CRMP1: variants seen among roughly 807,000 people sequenced by gnomAD.
CRMP1 encodes collapsin response mediator protein 1.
Under a neutral mutation model 68.3 loss-of-function variants are expected in CRMP1, and 19 were observed. The observed-to-expected ratio is 0.28, with a 90% CI of 0.19 to 0.41. The LOEUF (loss-of-function observed/expected upper bound fraction) is 0.41, where lower values mean the gene tolerates loss of function less well. Ranked by LOEUF, CRMP1 falls within the 10% of genes least tolerant of loss-of-function variation. The probability of loss-of-function intolerance (pLI) is 1.00; values close to 1 mark genes in which losing one functional copy is unlikely to be tolerated. For synonymous variants in CRMP1, 439 were observed against 399.6 expected (o/e 1.10, Z -1.18); for missense variants, 791 against 967.4 (o/e 0.82, Z 2.42).
At position 5,889,386 on chromosome 4, in the gene CRMP1, G is replaced by A. The variant is rs1383320935; in HGVS notation, c.381+3203C>T. The stretch of plus-strand genomic sequence containing the variant: ...TCTCCACAGCCCTGGGGACAAGCTG[G>A]GGGTCAGGAGGAGGACTAGGGTGCT... On this transcript the variant is annotated intron_variant, in intron 1 of 13. Transcript: ENST00000324989. The surrounding 1 kb of genome is among the most constrained non-coding windows in gnomAD (Gnocchi z 4.5). Among the ~76,000 whole-genome samples the A allele has an allele frequency of 1.3e-5, 2 of 152,150 alleles. No individual in the cohort carries two copies. Among genetic ancestry groups the A allele is most frequent in the African/African-American group, 4.8e-5 (2 of 41,442 alleles).
In CRMP1 at chr4:5,856,987, T is replaced by TATCACCACCATCCACTATC. The variant is rs1560505852; in HGVS notation, c.656-699_656-681dup. On this transcript the variant is annotated intron_variant, in intron 3 of 13. Coordinates refer to ENST00000324989, the MANE Select transcript of CRMP1 (RefSeq NM_001014809.3). ...CACTATCATCACCACCATCCACTGT[T>TATCACCACCATCCACTATC]ATCACCACCATCCACTATCATCACC... is the stretch of plus-strand genomic sequence containing the variant. Among the ~76,000 whole-genome samples, 5 of 125,564 alleles carry TATCACCACCATCCACTATC rather than the reference T, an allele frequency of 4.0e-5. 1 individual carries two copies. The highest frequency in any genetic ancestry group is 1.6e-4 in the African/African-American group (5 of 30,778). The allele number at this position is 125,564 out of a possible 152,430, so 82.4% of individuals were successfully genotyped here. A position where few individuals can be genotyped will look rare whatever the true frequency, so the allele number is the denominator to read the frequency against.
Position 5,867,213 on chromosome 4 carries a change from C to T in CRMP1, c.382-457G>A, listed in dbSNP as rs114660771. 1.6e-3 allele frequency among the ~76,000 whole-genome samples: 251 copies of T among 152,308 alleles called. 1 individual carries two copies. Among genetic ancestry groups the T allele is most frequent in the African/African-American group, 5.6e-3 (233 of 41,552 alleles). Reference sequence around the variant, plus strand: ...GCTTATCAGTCAATAATCAGGCCCTCTTCAATGTGCCTTGATGGTCTCATA... The same window carrying T: ...GCTTATCAGTCAATAATCAGGCCCTTTTCAATGTGCCTTGATGGTCTCATA... On this transcript the variant is annotated intron_variant, in intron 1 of 13. Coordinates refer to ENST00000324989, the MANE Select transcript of CRMP1 (RefSeq NM_001014809.3).
chr4:5,831,206 C>G (rs73206296), intron 11 of CRMP1, among the ~76,000 whole-genome samples: 6,304 of 152,216 alleles, frequency 0.041, 136 homozygotes, highest in Non-Finnish European at 0.052. Flanking sequence ...CTGAGCCTCC[C>G]AAAGTGCTGG....
intron 5 of CRMP1, 27 bp from the exon 6 acceptor site, chr4:5,849,499 G>T: frequency 6.7e-7 from 1 of 1,487,928 alleles, no homozygotes; most frequent in Non-Finnish European, 9.3e-7. Context: ...AGGGGTTGGT[G>T]TGAGATTTAA....
intron 9 of CRMP1, among the ~76,000 whole-genome samples, chr4:5,837,943 C>T (rs1720840283): frequency 6.6e-6 from 1 of 152,132 alleles, no homozygotes; most frequent in Non-Finnish European, 1.5e-5. Context: ...GTCAGCTATA[C>T]TGAGGGATGG....
rs1282613084 is a variant in CRMP1, at chr4:5,853,157, A to T, written c.821-1688T>A. On this transcript the variant is annotated intron_variant, in intron 4 of 13. Transcript: ENST00000324989. This position sits in a 1 kb window ranked among gnomAD's most constrained non-coding sequence, Gnocchi z 4.7. ...GGTGGGAGCAGTGGCTCACGCCTGT[A>T]ATCCCAGCAATTTGGGAGGCCAAGG... is the stretch of plus-strand genomic sequence containing the variant. 6.6e-6 allele frequency among the ~76,000 whole-genome samples: 1 copy of T among 152,222 alleles called. No homozygotes were observed. Among genetic ancestry groups the T allele is most frequent in the Non-Finnish European group, 1.5e-5 (1 of 68,024 alleles).
At position 5,857,044 on chromosome 4, in the gene CRMP1, T is replaced by TCACCACCATCTGCTATC. The variant is rs1713166594; in HGVS notation, c.656-738_656-737insGATAGCAGATGGTGGTG. Among the ~76,000 whole-genome samples the TCACCACCATCTGCTATC allele has an allele frequency of 9.1e-5, 6 of 66,156 alleles. No homozygotes were observed. The Admixed American group carries it at 1.1e-3, about 12-fold the overall frequency. The allele number at this position is 66,156 out of a possible 152,430, so 43.4% of individuals were successfully genotyped here. A position where few individuals can be genotyped will look rare whatever the true frequency, so the allele number is the denominator to read the frequency against. On this transcript the variant is annotated intron_variant, in intron 3 of 13. Coordinates refer to ENST00000324989, the MANE Select transcript of CRMP1 (RefSeq NM_001014809.3). ...TGCTATCATCACCACCATCCACTAT[T>TCACCACCATCTGCTATC]ATCACCACTATCATTATCACCCCAC...
rs1447028207 is a variant in CRMP1 at position 5,865,581 on chromosome 4, A to T, written c.470+1087T>A. On this transcript the variant is annotated intron_variant, in intron 2 of 13. Transcript: ENST00000324989. This position sits in a 1 kb window ranked among gnomAD's most constrained non-coding sequence, Gnocchi z 4.1. ...GGTTGCAGTGAGCCGAGATTGTGCC[A>T]CTGCACTCCAGCCTGGTGACAGAGT... is the stretch of plus-strand genomic sequence containing the variant. 2.0e-5 allele frequency among the ~76,000 whole-genome samples: 3 copies of T among 148,858 alleles called. No homozygotes were observed. In the South Asian group the frequency reaches 6.4e-4, roughly 32 times the overall value.
At position 5,858,092 on chromosome 4, in the gene CRMP1, T is replaced by C. The variant is rs1160174653; in HGVS notation, c.656-1785A>G. Among the ~76,000 whole-genome samples the C allele has an allele frequency of 6.6e-6, 1 of 152,166 alleles. No individual in the cohort carries two copies. Among genetic ancestry groups the C allele is most frequent in the African/African-American group, 2.4e-5 (1 of 41,444 alleles). On this transcript the variant is annotated intron_variant, in intron 3 of 13. Coordinates refer to ENST00000324989, the MANE Select transcript of CRMP1 (RefSeq NM_001014809.3). The surrounding 1 kb of genome is among the most constrained non-coding windows in gnomAD (Gnocchi z 5.5). ...ATGCAGTCCTCAGTCTCTTGGCCTC[T>C]CAGGGCACAGAGAGTCCCTCCCTCC...
In CRMP1 at chr4:5,828,739, T is replaced by G. The variant is rs1426053027; in HGVS notation, c.1624-71A>C. On this transcript the variant is annotated intron_variant, in intron 11 of 13. Coordinates refer to ENST00000324989, the MANE Select transcript of CRMP1 (RefSeq NM_001014809.3). ...CAAACGAGCTGTTCATAACAGCGATTTTGCCTAACATTATATCATAAGCGT... is the reference window on the plus strand; with the variant it reads ...CAAACGAGCTGTTCATAACAGCGATGTTGCCTAACATTATATCATAAGCGT... The G allele has an allele frequency of 2.6e-6, 4 of 1,539,546 alleles. No individual in the cohort carries two copies. In the East Asian group the frequency reaches 6.8e-5, roughly 26 times the overall value.
intron 11 of CRMP1, among the ~76,000 whole-genome samples, chr4:5,831,871 C>A (rs1021427908): frequency 6.6e-6 from 1 of 152,272 alleles, no homozygotes; most frequent in African/African-American, 2.4e-5. Flanking sequence ...ATCCATGAGC[C>A]CCATTTCCCT....
In CRMP1 at chr4:5,889,548, G is replaced by A; in HGVS notation, c.381+3041C>T. ...AGGGGAAAAGATGAAAGAAGATGGA[G>A]GAAAAGGGGGAGCCCCAGCAAGCCC... On this transcript the variant is annotated intron_variant, in intron 1 of 13. Coordinates refer to ENST00000324989, the MANE Select transcript of CRMP1 (RefSeq NM_001014809.3). This position sits in a 1 kb window ranked among gnomAD's most constrained non-coding sequence, Gnocchi z 4.5. 1 of 1,533,530 alleles carries A rather than the reference G, an allele frequency of 6.5e-7. No individual in the cohort carries two copies. The highest frequency in any genetic ancestry group is 8.7e-7 in the Non-Finnish European group (1 of 1,144,588). The allele number at this position is 1,533,530 out of a possible 1,614,324, so 95.0% of individuals were successfully genotyped here. A position where few individuals can be genotyped will look rare whatever the true frequency, so the allele number is the denominator to read the frequency against.
Position 5,883,688 on chromosome 4 carries a change from C to T in CRMP1, c.381+8901G>A, listed in dbSNP as rs562444302. 1.8e-3 allele frequency among the ~76,000 whole-genome samples: 208 copies of T among 115,212 alleles called. No individual in the cohort carries two copies. The highest frequency in any genetic ancestry group is 6.4e-3 in the African/African-American group (199 of 31,064). The allele number at this position is 115,212 out of a possible 152,430, so 75.6% of individuals were successfully genotyped here. On this transcript the variant is annotated intron_variant, in intron 1 of 13. Coordinates refer to ENST00000324989, the MANE Select transcript of CRMP1 (RefSeq NM_001014809.3). This position sits in a 1 kb window ranked among gnomAD's most constrained non-coding sequence, Gnocchi z 4.5. ...CACACACACACACACACATGCTTGCCCACCACACCTGCTGGTTAGCTACCA... is the reference window on the plus strand; with the variant it reads ...CACACACACACACACACATGCTTGCTCACCACACCTGCTGGTTAGCTACCA...
chr4:5,851,230 G>C (rs917092894), intron 5 of CRMP1, among the ~76,000 whole-genome samples, 178 bp downstream of exon 5: 11 of 152,226 alleles, frequency 7.2e-5, no homozygotes, highest in African/African-American at 2.2e-4. Flanking sequence ...AGTCAGAAAA[G>C]AACAGAAGCC....
chr4:5,868,622 A>T (rs1343988579), intron 1 of CRMP1, among the ~76,000 whole-genome samples: 1 of 152,066 alleles, frequency 6.6e-6, no homozygotes, highest in Admixed American at 6.6e-5. Flanking sequence ...CTATACTTTT[A>T]AAATAATCAC....
Position 5,883,914 on chromosome 4 carries a change from C to T in CRMP1, c.381+8675G>A, listed in dbSNP as rs140279100. Among the ~76,000 whole-genome samples the T allele has an allele frequency of 5.5e-3, 839 of 152,294 alleles. 2 individuals carry two copies. The highest frequency in any genetic ancestry group is 7.7e-3 in the Non-Finnish European group (524 of 68,022). ...AGTTACGTCACTTTCACTTTTATGT[C>T]CCCTCTGAGACATTTTTAAGAATTT... On this transcript the variant is annotated intron_variant, in intron 1 of 13. Coordinates refer to ENST00000324989, the MANE Select transcript of CRMP1 (RefSeq NM_001014809.3). This position sits in a 1 kb window ranked among gnomAD's most constrained non-coding sequence, Gnocchi z 4.5.
chr4:5,847,844 G>T (rs763260793), intron 6 of CRMP1, among the ~76,000 whole-genome samples: 3 of 152,172 alleles, frequency 2.0e-5, no homozygotes, highest in African/African-American at 7.2e-5. Flanking sequence ...TCACGGAGTA[G>T]TTGTGAGTAT....
Position 5,821,514 on chromosome 4 carries a change from G to A in CRMP1, c.*246C>T. 1 of 532,904 alleles carries A rather than the reference G, an allele frequency of 1.9e-6. No homozygotes were observed. The highest frequency in any genetic ancestry group is 3.4e-6 in the Non-Finnish European group (1 of 296,604). 33.0% of individuals were successfully genotyped at this position (532,904 alleles called of 1,614,324 possible). ...CTAAAACCTGTGGTTCACTAGGAAG[G>A]GGGAATGAAAACACCATGCTCCGAG... On this transcript the variant is annotated 3_prime_UTR_variant, in exon 14 of 14. Transcript: ENST00000324989. This position sits in a 1 kb window ranked among gnomAD's most constrained non-coding sequence, Gnocchi z 4.4.
intron 1 of CRMP1, among the ~76,000 whole-genome samples, chr4:5,873,214 G>C (rs1381138167): frequency 1.3e-5 from 2 of 152,178 alleles, no homozygotes; most frequent in Non-Finnish European, 1.5e-5. Context: ...ACAGAGCATG[G>C]AGGCAGCCTC....
Sources: gnomAD v4.1 joint callset for allele counts (sites outside exome capture counted in the v4.1 genomes callset) on GRCh38, gnomAD v4.1.1 for gene constraint, Gnocchi (gnomAD v3.1) non-coding constraint, MANE v1.5 for transcripts, NCBI Gene and HGNC (gene_info 2026-07-23, HGNC 2026-07-21) for gene names.